MAPK10: variants seen among roughly 807,000 people sequenced by gnomAD.
MAPK10 encodes the protein mitogen-activated protein kinase 10, also known as JNK3 alpha protein kinase.
Under a neutral mutation model 59.3 loss-of-function variants are expected in MAPK10, and 25 were observed. That is an observed-to-expected ratio of 0.42 (90% CI 0.31 to 0.59). The LOEUF (loss-of-function observed/expected upper bound fraction) is 0.59. Ranked by LOEUF, MAPK10 falls within the 20% of genes least tolerant of loss-of-function variation. The pLI is 0.15. For missense variants in MAPK10, 351 were observed against 568.9 expected, an observed-to-expected ratio of 0.62 and a Z score of 3.90; for synonymous variants, 190 against 200.5, an observed-to-expected ratio of 0.95 and a Z score of 0.44.
rs561691907 is a variant in MAPK10 at position 86,439,840 on chromosome 4, A to T, written c.-122+13190T>A. ...TACTAACTCATTTCTTCTTTGGTAA[A>T]GTATCTGTCCAAATATAACTAAGTA... On this transcript the variant is annotated intron_variant, in intron 1 of 13. Coordinates refer to the MAPK10 transcript ENST00000361569. Among the ~76,000 whole-genome samples, 122 of 152,306 alleles carry T rather than the reference A, an allele frequency of 8.0e-4. 3 individuals are homozygous for T. In the South Asian group the frequency reaches 0.025, roughly 31 times the overall value.
At chr4:86,071,497 G>T (rs1405748031) in intron 9 of MAPK10, among the ~76,000 whole-genome samples, 3 of 145,188 alleles carry the variant, frequency 2.1e-5, no homozygotes, top group African/African-American at 7.9e-5. Flanking sequence ...TAATGCCTAG[G>T]TTTTCTTCTA....
chr4:86,108,675 T>C (rs2056952720), intron 4 of MAPK10, among the ~76,000 whole-genome samples: 1 of 152,222 alleles, frequency 6.6e-6, no homozygotes, highest in Non-Finnish European at 1.5e-5. Context: ...CAGCTCTTTC[T>C]ATTGTTCGGC....
intron 9 of MAPK10, among the ~76,000 whole-genome samples, chr4:86,069,201 CA>C (rs1321804352): frequency 5.3e-5 from 8 of 152,050 alleles, no homozygotes; most frequent in Admixed American, 5.2e-4. Context: ...ATATATAATA[CA>C]AACAGTAGAT....
At chr4:86,056,277 T>C (rs1351208479) in intron 11 of MAPK10, among the ~76,000 whole-genome samples, 1 of 150,318 alleles carries the variant, frequency 6.7e-6, no homozygotes. Flanking sequence ...ATGCATATTT[T>C]ATTCAATGGT....
chr4:86,401,357 T>C (rs1405349928), intron 1 of MAPK10, among the ~76,000 whole-genome samples: 3 of 152,190 alleles, frequency 2.0e-5, no homozygotes, highest in African/African-American at 7.2e-5. Context: ...CATTATTCTA[T>C]CCTCTACTAG....
chr4:86,352,744 G>C (rs761114391), intron 2 of MAPK10, among the ~76,000 whole-genome samples: 3 of 152,068 alleles, frequency 2.0e-5, no homozygotes, highest in Non-Finnish European at 4.4e-5. Flanking sequence ...TCTTTAACCA[G>C]TATTTGTTTT....
At chr4:86,035,394 A>AAAAAAAAG (rs2040046096) in intron 11 of MAPK10, among the ~76,000 whole-genome samples, 1 of 149,862 alleles carries the variant, frequency 6.7e-6, no homozygotes, top group East Asian at 1.9e-4. Context: ...AAAAAAAAAA[A>AAAAAAAAG]ATGATCCAGG....
At chr4:86,326,237 A>T (rs1201370998) in intron 2 of MAPK10, 2 of 152,266 alleles carry the variant, frequency 1.3e-5, no homozygotes, top group Admixed American at 6.5e-5. Context: ...TCTCGGGTTC[A>T]CAGGGGCAGA....
At chr4:86,453,822 C>T (rs1463476015), upstream of MAPK10, among the ~76,000 whole-genome samples, 1 of 152,108 alleles carries the variant, frequency 6.6e-6, no homozygotes, top group Admixed American at 6.5e-5. Context: ...AAAAATTGTG[C>T]ATTAATCAAT....
intron 11 of MAPK10, among the ~76,000 whole-genome samples, chr4:86,038,422 T>C (rs538510488): frequency 1.3e-5 from 2 of 152,352 alleles, no homozygotes; most frequent in African/African-American, 2.4e-5. Flanking sequence ...AAAAGATGCA[T>C]GCTTTATTAA....
At chr4:86,042,994 G>A (rs1034002567) in intron 11 of MAPK10, among the ~76,000 whole-genome samples, 3 of 152,146 alleles carry the variant, frequency 2.0e-5, no homozygotes, top group Non-Finnish European at 4.4e-5. Context: ...CCATGAATTG[G>A]AAGGAGGAAG....
chr4:86,527,266 C>T (rs1464846440), intron 1 of MAPK10, among the ~76,000 whole-genome samples: 4 of 136,148 alleles, frequency 2.9e-5, no homozygotes, highest in Non-Finnish European at 3.0e-5. Context: ...GAGCTGTAAT[C>T]GTCCCACTGT....
At chr4:86,146,322 A>G (rs2064995890) in intron 4 of MAPK10, among the ~76,000 whole-genome samples, 1 of 152,202 alleles carries the variant, frequency 6.6e-6, no homozygotes, top group Non-Finnish European at 1.5e-5. Flanking sequence ...ATGTAAGGAG[A>G]CAATGTAAAA....
chr4:86,213,352 T>G (rs1324926545), intron 2 of MAPK10, among the ~76,000 whole-genome samples: 1 of 151,976 alleles, frequency 6.6e-6, no homozygotes, highest in African/African-American at 2.4e-5. Context: ...TAACAAAGAT[T>G]TGAGCAGAGA....
intron 2 of MAPK10, among the ~76,000 whole-genome samples, chr4:86,236,497 A>G (rs935524683): frequency 1.3e-5 from 2 of 152,252 alleles, no homozygotes; most frequent in Admixed American, 6.5e-5. Flanking sequence ...GTCATTATTA[A>G]TGCCAAGTTA....
chr4:86,279,454 T>G (rs1372075928), intron 2 of MAPK10, among the ~76,000 whole-genome samples: 3 of 152,198 alleles, frequency 2.0e-5, no homozygotes, highest in Non-Finnish European at 4.4e-5. Context: ...GTGCCCAGTT[T>G]CTTTATGGTA....
chr4:86,068,430 G>A (rs773774742), intron 9 of MAPK10, among the ~76,000 whole-genome samples: 1 of 151,804 alleles, frequency 6.6e-6, no homozygotes, highest in Non-Finnish European at 1.5e-5. Context: ...CTATCTTTAA[G>A]ATATTTTTTC....
At chr4:86,025,818 G>A (rs1749873322) in intron 13 of MAPK10, among the ~76,000 whole-genome samples, 1 of 152,160 alleles carries the variant, frequency 6.6e-6, no homozygotes, top group South Asian at 2.1e-4. Flanking sequence ...ACATTGTTAT[G>A]GGGGAAAATG....
At chr4:86,247,614 G>T (rs2093180357) in intron 2 of MAPK10, among the ~76,000 whole-genome samples, 1 of 151,646 alleles carries the variant, frequency 6.6e-6, no homozygotes, top group South Asian at 2.1e-4. Context: ...CATAATAGGT[G>T]ATGGTGCTAT....
Sources: allele counts gnomAD v4.1 joint callset (sites outside exome capture counted in the v4.1 genomes callset), GRCh38; gene constraint gnomAD v4.1.1; transcripts MANE v1.5; gene names NCBI Gene and HGNC (gene_info 2026-07-23, HGNC 2026-07-21).